The following RYR3 variants were observed in gnomAD, a reference collection of about 807,000 sequenced individuals.
RYR3 encodes the protein ryanodine receptor 3, also known as brain ryanodine receptor-calcium release channel.
A neutral mutation model predicts 584.3 loss-of-function variants in RYR3; 207 were observed. That is an observed-to-expected ratio of 0.35 (90% confidence interval 0.32 to 0.40). RYR3 has a LOEUF of 0.40. Ranked by LOEUF, RYR3 falls within the 10% of genes least tolerant of loss-of-function variation. The probability of loss-of-function intolerance (pLI) is 1.00; values close to 1 mark genes in which losing one functional copy is unlikely to be tolerated. For missense variants in RYR3, 5,616 were observed against 6,089.2 expected, an observed-to-expected ratio of 0.92 and a Z score of 2.59; for synonymous variants, 2,416 against 2,248.5, an observed-to-expected ratio of 1.07 and a Z score of -2.11.
intron 38 of RYR3, among the ~76,000 whole-genome samples, chr15:33,671,011 G>C (rs2063805015): frequency 6.6e-6 from 1 of 152,210 alleles, no homozygotes; most frequent in East Asian, 1.9e-4. Context: ...GTTTGGGGGG[G>C]TTGTTTTTGG....
At chr15:33,526,047 C>A (rs1238709147) in intron 3 of RYR3, among the ~76,000 whole-genome samples, 1 of 152,110 alleles carries the variant, frequency 6.6e-6, no homozygotes, top group Non-Finnish European at 1.5e-5. Flanking sequence ...TTTCTTATTG[C>A]CTGGGACTCC....
At chr15:33,807,437 T>C in intron 69 of RYR3, 118 bp from the exon 70 acceptor site, 1 of 986,670 alleles carries the variant, frequency 1.0e-6, no homozygotes, top group South Asian at 1.4e-5. Flanking sequence ...TTCTGTTGTG[T>C]TGGCTGAGAA....
Position 33,550,169 on chromosome 15 carries a change from C to A in RYR3, c.825C>A (p.Gly275=). Residue 275 remains glycine, a synonymous_variant, in exon 10 of 104, where the codon GGC becomes GGA. Transcript: ENST00000634891. Reference sequence around the variant, plus strand: ...TGTTTCATCTGCCCAGCTGGAGTGGCAGTAACATCAGATGGGGCCAGGCTT... The same window carrying A: ...TGTTTCATCTGCCCAGCTGGAGTGGAAGTAACATCAGATGGGGCCAGGCTT... ...RVEPLRISWS[G]SNIRWGQAFR... 1 of 1,612,198 alleles carries A rather than the reference C, an allele frequency of 6.2e-7. No individual in the cohort carries two copies. Among genetic ancestry groups the A allele is most frequent in the Non-Finnish European group, 8.5e-7 (1 of 1,179,400 alleles).
intron 86 of RYR3, among the ~76,000 whole-genome samples, chr15:33,833,297 T>G (rs1374549487): frequency 2.0e-5 from 3 of 152,212 alleles, no homozygotes; most frequent in Non-Finnish European, 2.9e-5. Context: ...AGTGACTTTT[T>G]TTTGTTTTTA....
chr15:33,318,673 GAGA>G (rs1968535582), intron 1 of RYR3, among the ~76,000 whole-genome samples: 1 of 152,182 alleles, frequency 6.6e-6, no homozygotes, highest in Non-Finnish European at 1.5e-5. Flanking sequence ...TTGAGCAGAG[GAGA>G]AGAAGGCTTG....
chr15:33,525,508 A>G (rs2054320766), intron 3 of RYR3, among the ~76,000 whole-genome samples: 1 of 152,246 alleles, frequency 6.6e-6, no homozygotes, highest in Admixed American at 6.5e-5. Flanking sequence ...ATAAGCAGTT[A>G]CAAATATTAA....
chr15:33,844,988 C>G lies in RYR3; in HGVS notation c.13423C>G (p.Pro4475Ala). 1.2e-6 allele frequency: 2 copies of G among 1,613,970 alleles called. No individual in the cohort carries two copies. The highest frequency in any genetic ancestry group is 1.7e-6 in the Non-Finnish European group (2 of 1,179,886). The change falls in exon 93 of 104, where the codon CCA becomes GCA. Residue 4475 changes from proline (P) to alanine (A), a missense_variant. Around this residue, in one of 9 missense-constraint regions of RYR3, gnomAD observed 918 missense variants for 887.4 expected, o/e 1.03. Transcript: ENST00000634891. ...TCAGGAGAGCACCGGGTATATGGCA[C>G]CAACCCTGCGTGCCCTGGCCATCAT... ...VLQESTGYMA[P>A]TLRALAIIHT...
At chr15:33,780,607 C>T (rs146418029) in intron 65 of RYR3, among the ~76,000 whole-genome samples, 9 of 152,318 alleles carry the variant, frequency 5.9e-5, no homozygotes, top group African/African-American at 1.4e-4. Context: ...CATCCTAAGA[C>T]CTCAGGGTCT....
intron 1 of RYR3, among the ~76,000 whole-genome samples, chr15:33,407,673 G>A (rs546444116): frequency 1.3e-5 from 2 of 152,250 alleles, no homozygotes; most frequent in South Asian, 4.2e-4. Context: ...AGTTAATTGC[G>A]ATTCACATAG....
chr15:33,699,669 T>G (rs1247310252), intron 40 of RYR3, 35 bp from the exon 41 acceptor site: 3 of 1,601,592 alleles, frequency 1.9e-6, no homozygotes, highest in Non-Finnish European at 8.5e-7. Flanking sequence ...TCATGATAGA[T>G]TCTTTTGTCT....
At chr15:33,421,068 T>C (rs2246383) in intron 1 of RYR3, among the ~76,000 whole-genome samples, 112,348 of 151,956 alleles carry the variant, frequency 0.74, 42,514 homozygotes, top group African/African-American at 0.9. Flanking sequence ...TGGGGAGCCA[T>C]GAGAGGAGGG....
chr15:33,505,792 G>A (rs1003829562), intron 3 of RYR3, among the ~76,000 whole-genome samples: 14 of 151,966 alleles, frequency 9.2e-5, no homozygotes, highest in Admixed American at 3.3e-4. Context: ...ACGCCTGGCC[G>A]GGAAACTTTT....
chr15:33,405,238 C>G (rs950126836), intron 1 of RYR3, among the ~76,000 whole-genome samples: 1 of 152,130 alleles, frequency 6.6e-6, no homozygotes, highest in Non-Finnish European at 1.5e-5. Context: ...GGTTTTCATT[C>G]CTTGAGGCCA....
At chr15:33,613,666 A>C (rs539840770) in intron 19 of RYR3, among the ~76,000 whole-genome samples, 1 of 152,370 alleles carries the variant, frequency 6.6e-6, no homozygotes, top group African/African-American at 2.4e-5. Context: ...TTATAAGAAA[A>C]ACTTCAAAGA....
chr15:33,469,030 T>C (rs951543842), intron 1 of RYR3, among the ~76,000 whole-genome samples: 6 of 152,178 alleles, frequency 3.9e-5, no homozygotes, highest in Non-Finnish European at 4.4e-5. Flanking sequence ...ATGGTGCCTG[T>C]CACATAGGGA....
intron 93 of RYR3, 147 bp downstream of exon 93, chr15:33,845,209 G>A: frequency 1.4e-6 from 1 of 717,068 alleles, no homozygotes; most frequent in Non-Finnish European, 2.3e-6. Context: ...TCACTTGGGA[G>A]CTGCCTAGAC....
Position 33,556,851 on chromosome 15 carries a change from G to GT in RYR3, c.973-5978dup, listed in dbSNP as rs550157393. 5.1e-3 allele frequency among the ~76,000 whole-genome samples: 781 copies of GT among 151,958 alleles called. 4 individuals are homozygous for GT. Among genetic ancestry groups the GT allele is most frequent in the Non-Finnish European group, 9.5e-3 (648 of 67,948 alleles). The stretch of plus-strand genomic sequence containing the variant: ...CCATCCCTAACTCCCCGGTAGAGTT[G>GT]TTTTTTTTCCCCAAACTCCAATTGT... On this transcript the variant is annotated intron_variant, in intron 10 of 103. Transcript: ENST00000634891.
chr15:33,432,523 T>C (rs932788409), intron 1 of RYR3, among the ~76,000 whole-genome samples: 1 of 152,054 alleles, frequency 6.6e-6, no homozygotes, highest in Non-Finnish European at 1.5e-5. Context: ...ATTCTTGAGA[T>C]AGTCAACCGT....
intron 70 of RYR3, chr15:33,807,804 T>C: frequency 1.8e-6 from 1 of 565,682 alleles, no homozygotes; most frequent in East Asian, 2.9e-5. Flanking sequence ...AACCGAGGTC[T>C]CCTTGCTATC....
Sources: allele counts gnomAD v4.1 joint callset (sites outside exome capture counted in the v4.1 genomes callset), GRCh38; gene constraint gnomAD v4.1.1; regional missense constraint gnomAD v4.1.1; transcripts MANE v1.5; gene names NCBI Gene and HGNC (gene_info 2026-07-23, HGNC 2026-07-21).